MED15: variants seen among roughly 807,000 people sequenced by gnomAD.
MED15 encodes mediator of RNA polymerase II transcription subunit 15.
MED15 carries 41 observed loss-of-function variants against 118.7 expected under a neutral mutation model. The observed-to-expected ratio is 0.35, with a 90% CI of 0.27 to 0.45. The LOEUF (loss-of-function observed/expected upper bound fraction) is 0.45. Among genes scored for constraint, MED15 ranks in the 20% least tolerant of loss-of-function variants. The probability of loss-of-function intolerance (pLI) is 1.00; values close to 1 mark genes in which losing one functional copy is unlikely to be tolerated. For missense variants in MED15, 740 were observed against 1,025.5 expected, an observed-to-expected ratio of 0.72 and a Z score of 3.80; for synonymous variants, 436 against 413.9, an observed-to-expected ratio of 1.05 and a Z score of -0.65.
chr22:20,528,606 C>T (rs529883952), intron 1 of MED15, among the ~76,000 whole-genome samples: 1 of 152,244 alleles, frequency 6.6e-6, no homozygotes, highest in Non-Finnish European at 1.5e-5. Context: ...TGGTCTGTGG[C>T]CCAGGGCTTG....
At chr22:20,543,190 T>C (rs1186858634) in intron 2 of MED15, among the ~76,000 whole-genome samples, 1 of 146,468 alleles carries the variant, frequency 6.8e-6, no homozygotes, top group African/African-American at 2.5e-5. Flanking sequence ...TTAATTTATC[T>C]CTTTCATGTT....
At chr22:20,546,951 GAAAAA>G (rs1173849463) in intron 2 of MED15, among the ~76,000 whole-genome samples, 1 of 152,000 alleles carries the variant, frequency 6.6e-6, no homozygotes, top group African/African-American at 2.4e-5. Context: ...ACAGAACTAA[GAAAAA>G]ACATGTTTTT....
rs527732287 is a variant in MED15, at chr22:20,547,748, G to A, written c.157-3688G>A. 1.1e-3 allele frequency among the ~76,000 whole-genome samples: 169 copies of A among 152,304 alleles called. 1 individual carries two copies. The highest frequency in any genetic ancestry group is 3.6e-3 in the African/African-American group (150 of 41,556). Reference sequence around the variant, plus strand: ...GGCAGGAGAATAGCTTGCACCACCCGGGAGGCGGAGCTTGCAGTGAACTGA... The same window carrying A: ...GGCAGGAGAATAGCTTGCACCACCCAGGAGGCGGAGCTTGCAGTGAACTGA... On this transcript the variant is annotated intron_variant, in intron 2 of 17. Coordinates refer to ENST00000263205, the MANE Select transcript of MED15 (RefSeq NM_001003891.3).
intron 1 of MED15, among the ~76,000 whole-genome samples, chr22:20,533,623 C>T (rs966454429): frequency 6.6e-6 from 1 of 152,154 alleles, no homozygotes; most frequent in African/African-American, 2.4e-5. Flanking sequence ...TCTGACCCTC[C>T]GAAGCTCATG....
chr22:20,572,436 C>A (rs1167842226), intron 8 of MED15, among the ~76,000 whole-genome samples: 2 of 152,254 alleles, frequency 1.3e-5, no homozygotes, highest in African/African-American at 4.8e-5. Flanking sequence ...GGCGCCCTGT[C>A]AGGCCCTTGC....
chr22:20,585,930 C>T (rs1351714422), intron 17 of MED15, 104 bp downstream of exon 17: 20 of 1,053,920 alleles, frequency 1.9e-5, no homozygotes. Context: ...GTGCTCCTGC[C>T]CCTCCCCAGC....
At chr22:20,515,574 G>C (rs2054221066) in intron 1 of MED15, among the ~76,000 whole-genome samples, 1 of 152,138 alleles carries the variant, frequency 6.6e-6, no homozygotes. Context: ...TGGATTGCTT[G>C]AGGTCAGGAG....
chr22:20,568,709 G>T, intron 8 of MED15, 78 bp downstream of exon 8: 1 of 1,548,776 alleles, frequency 6.5e-7, no homozygotes, highest in East Asian at 2.4e-5. Context: ...TACAGTGAGG[G>T]TTCTGGTTGG....
Position 20,586,911 on chromosome 22 carries a change from T to C in MED15, c.*207T>C. 3 of 720,856 alleles carry C rather than the reference T, an allele frequency of 4.2e-6. No homozygotes were observed. Among genetic ancestry groups the C allele is most frequent in the Non-Finnish European group, 6.6e-6 (3 of 457,592 alleles). 44.7% of individuals were successfully genotyped at this position (720,856 alleles called of 1,614,324 possible). A position where few individuals can be genotyped will look rare whatever the true frequency, so the allele number is the denominator to read the frequency against. On this transcript the variant is annotated 3_prime_UTR_variant, in exon 18 of 18. Transcript: ENST00000263205. ...AGTGGAGCGGGTTGCTTGGGGGGCGTTGGCCGACTTCTTAGAGAAGGCCCT... is the reference window on the plus strand; with the variant it reads ...AGTGGAGCGGGTTGCTTGGGGGGCGCTGGCCGACTTCTTAGAGAAGGCCCT...
At chr22:20,547,203 C>T (rs1469594914) in intron 2 of MED15, among the ~76,000 whole-genome samples, 1 of 152,106 alleles carries the variant, frequency 6.6e-6, no homozygotes, top group Non-Finnish European at 1.5e-5. Flanking sequence ...TTAAGATTAC[C>T]TTGAAGTTCT....
chr22:20,522,276 A>C (rs947354214), intron 1 of MED15: 1 of 152,154 alleles, frequency 6.6e-6, no homozygotes, highest in Non-Finnish European at 1.5e-5. Flanking sequence ...CAGTGTTCCC[A>C]AGTGGTACCA....
intron 1 of MED15, among the ~76,000 whole-genome samples, chr22:20,513,507 A>G (rs1177238344): frequency 1.3e-5 from 2 of 151,568 alleles, no homozygotes; most frequent in East Asian, 2.0e-4. Context: ...TTGAACTCCC[A>G]ACCTCATGAC....
At chr22:20,559,884 C>T (rs2056166696) in intron 5 of MED15, among the ~76,000 whole-genome samples, 1 of 152,154 alleles carries the variant, frequency 6.6e-6, no homozygotes, top group African/African-American at 2.4e-5. Flanking sequence ...CCTCTTCCCT[C>T]TCAGGTGATA....
At chr22:20,516,503 ACC>A (rs1297376153) in intron 1 of MED15, among the ~76,000 whole-genome samples, 3 of 150,906 alleles carry the variant, frequency 2.0e-5, no homozygotes, top group African/African-American at 7.3e-5. Context: ...CCAGACCTTA[ACC>A]CCCAGCCCTA....
At chr22:20,532,056 CA>C (rs1334208251) in intron 1 of MED15, among the ~76,000 whole-genome samples, 1 of 152,170 alleles carries the variant, frequency 6.6e-6, no homozygotes, top group African/African-American at 2.4e-5. Flanking sequence ...GAGCGAGGCT[CA>C]AAGCAAGCAG....
chr22:20,568,758 C>G, intron 8 of MED15, 127 bp downstream of exon 8: 1 of 1,452,856 alleles, frequency 6.9e-7, no homozygotes, highest in South Asian at 1.3e-5. Context: ...GCAGGGGCTT[C>G]TCTCCCCCTT....
At chr22:20,524,049 A>G (rs1263072578) in intron 1 of MED15, among the ~76,000 whole-genome samples, 6 of 152,226 alleles carry the variant, frequency 3.9e-5, no homozygotes, top group Non-Finnish European at 5.9e-5. Flanking sequence ...TCTGAAGTAT[A>G]TATTTTTATC....
chr22:20,526,085 A>C (rs2054635851), intron 1 of MED15, among the ~76,000 whole-genome samples: 1 of 151,762 alleles, frequency 6.6e-6, no homozygotes, highest in African/African-American at 2.4e-5. Context: ...ATGACTGGCT[A>C]AGTTTTTGTA....
At chr22:20,586,523 C>A in intron 17 of MED15, 45 bp from the exon 18 acceptor site, 2 of 1,597,876 alleles carry the variant, frequency 1.3e-6, no homozygotes, top group South Asian at 1.1e-5. Flanking sequence ...CAGGAGCGAG[C>A]GCAGCGCCGG....
Sources: gnomAD v4.1 joint callset for allele counts (sites outside exome capture counted in the v4.1 genomes callset) on GRCh38, gnomAD v4.1.1 for gene constraint, MANE v1.5 for transcripts, NCBI Gene and HGNC (gene_info 2026-07-23, HGNC 2026-07-21) for gene names.